NAALADL2: variants seen among roughly 807,000 people sequenced by gnomAD.
NAALADL2 encodes inactive N-acetylated-alpha-linked acidic dipeptidase-like protein 2.
NAALADL2 carries 76 observed loss-of-function variants against 87.2 expected under a neutral mutation model. The ratio of observed to expected loss-of-function variants is 0.87; its 90% CI spans 0.72 to 1.05. The LOEUF is 1.05. Ranked by LOEUF, NAALADL2 falls within the 50% of genes least tolerant of loss-of-function variation. The pLI, the probability that NAALADL2 is intolerant of heterozygous loss-of-function variation, is 0.00. For missense variants in NAALADL2, 1,089 were observed against 945.8 expected, an observed-to-expected ratio of 1.15 and a Z score of -1.99; for synonymous variants, 354 against 331.0, an observed-to-expected ratio of 1.07 and a Z score of -0.75.
Position 175,627,279 on chromosome 3 carries a change from G to A in NAALADL2, c.1801-12G>A. 1 of 1,537,216 alleles carries A rather than the reference G, an allele frequency of 6.5e-7. No homozygotes were observed. On this transcript the variant is annotated splice_polypyrimidine_tract_variant and intron_variant, in intron 10 of 13. Coordinates refer to ENST00000454872, the MANE Select transcript of NAALADL2 (RefSeq NM_207015.3). ...AAAGAGTTTTAAATGTTTCTTTTTT[G>A]ATTTGCCGCAGGGTCCAAGTTTTCT...
Position 175,367,508 on chromosome 3 carries a change from A to G in NAALADL2, c.1090+43183A>G, listed in dbSNP as rs566535767. ...ACCCATGAGCATGGAATGTTCTTCC[A>G]TTTGTTTGTGTCCTCTTTTATTTCC... is the stretch of plus-strand genomic sequence containing the variant. On this transcript the variant is annotated intron_variant, in intron 5 of 13. Transcript: ENST00000454872. 1.9e-3 allele frequency among the ~76,000 whole-genome samples: 285 copies of G among 152,196 alleles called. 1 individual carries two copies. The highest frequency in any genetic ancestry group is 6.1e-3 in the African/African-American group (252 of 41,500).
intron 5 of NAALADL2, among the ~76,000 whole-genome samples, chr3:175,370,262 A>T (rs968430849): frequency 6.6e-5 from 10 of 152,170 alleles, no homozygotes; most frequent in African/African-American, 2.2e-4. Context: ...AAAATCTTCC[A>T]CTATTCTCAA....
intron 1 of NAALADL2, among the ~76,000 whole-genome samples, chr3:175,068,920 T>C (rs1389399799): frequency 1.3e-5 from 2 of 152,108 alleles, no homozygotes; most frequent in Non-Finnish European, 2.9e-5. Flanking sequence ...CCAGCAATTA[T>C]ATGTTGGTTA....
At position 175,804,786 on chromosome 3, in the gene NAALADL2, G is replaced by C. The variant is rs1037186504; in HGVS notation, c.*1583G>C. 4.6e-5 allele frequency: 7 copies of C among 151,876 alleles called. No individual in the cohort carries two copies. The highest frequency in any genetic ancestry group is 2.0e-4 in the Admixed American group (3 of 15,216). The allele number at this position is 151,876 out of a possible 1,614,324, so 9.4% of individuals were successfully genotyped here. A position where few individuals can be genotyped will look rare whatever the true frequency, so the allele number is the denominator to read the frequency against. Reference sequence around the variant, plus strand: ...TAATTGATTTATAAGGTTCAACACTGTCTACCCTAAATAATTTTTATATGC... The same window carrying C: ...TAATTGATTTATAAGGTTCAACACTCTCTACCCTAAATAATTTTTATATGC... On this transcript the variant is annotated 3_prime_UTR_variant, in exon 14 of 14. Transcript: ENST00000454872.
chr3:175,726,853 G>T lies in NAALADL2; in HGVS notation c.1897-10453G>T, dbSNP rs545436894. On this transcript the variant is annotated intron_variant, in intron 11 of 13. Coordinates refer to ENST00000454872, the MANE Select transcript of NAALADL2 (RefSeq NM_207015.3). ...CAGCAGAAGCAGAAGCTGGAAAGGA[G>T]GATTTGAATCAGGGAGTTTATATTC... Among the ~76,000 whole-genome samples the T allele has an allele frequency of 3.9e-5, 6 of 152,222 alleles. No homozygotes were observed. The East Asian group carries it at 9.7e-4, about 25-fold the overall frequency.
At chr3:174,895,611 C>G (rs1030155416) in intron 1 of NAALADL2, among the ~76,000 whole-genome samples, 3 of 152,186 alleles carry the variant, frequency 2.0e-5, no homozygotes, top group Middle Eastern at 3.4e-3. Context: ...TGAAGAATAA[C>G]GAACACCAAT....
intron 11 of NAALADL2, chr3:175,718,440 C>G: frequency 2.5e-6 from 4 of 1,584,944 alleles, no homozygotes; most frequent in Non-Finnish European, 3.5e-6. Context: ...GGGGGTGCTT[C>G]TGGGTATTTA....
intron 1 of NAALADL2, among the ~76,000 whole-genome samples, chr3:174,935,184 C>T (rs1737512015): frequency 1.3e-5 from 2 of 151,968 alleles, no homozygotes; most frequent in South Asian, 4.1e-4. Flanking sequence ...AAAATGTTCA[C>T]TTTCATGTGT....
chr3:175,144,512 A>AAATAT (rs1222251075), intron 2 of NAALADL2, among the ~76,000 whole-genome samples: 1 of 151,996 alleles, frequency 6.6e-6, no homozygotes, highest in East Asian at 1.9e-4. Flanking sequence ...TATATTGAGA[A>AAATAT]AATATACAGA....
intron 1 of NAALADL2, among the ~76,000 whole-genome samples, chr3:174,889,530 T>C (rs908853605): frequency 6.6e-6 from 1 of 152,174 alleles, no homozygotes; most frequent in African/African-American, 2.4e-5. Context: ...CTTATATCTC[T>C]CATTCCCCAT....
chr3:175,011,990 T>A (rs2108809247), intron 1 of NAALADL2, among the ~76,000 whole-genome samples: 1 of 152,232 alleles, frequency 6.6e-6, no homozygotes, highest in South Asian at 2.1e-4. Context: ...TGCAAAAACC[T>A]AATCTTTAGG....
At chr3:175,624,231 A>T (rs7627926) in intron 10 of NAALADL2, among the ~76,000 whole-genome samples, 1 of 151,732 alleles carries the variant, frequency 6.6e-6, no homozygotes, top group African/African-American at 2.4e-5. Flanking sequence ...GGATCTTGGA[A>T]GTGGCCTCAG....
At chr3:174,846,538 A>G (rs1294064776) in intron 3 of NAALADL2, among the ~76,000 whole-genome samples, 14 of 152,340 alleles carry the variant, frequency 9.2e-5, no homozygotes, top group East Asian at 1.9e-4. Context: ...TTTAGTTAGT[A>G]GTATCTACAG....
intron 11 of NAALADL2, among the ~76,000 whole-genome samples, chr3:175,669,017 G>A (rs1733578783): frequency 6.6e-6 from 1 of 152,038 alleles, no homozygotes; most frequent in Non-Finnish European, 1.5e-5. Context: ...AGGCTTAAAA[G>A]TTATACTTTA....
At chr3:175,318,893 T>C (rs942015047) in intron 4 of NAALADL2, among the ~76,000 whole-genome samples, 3 of 152,266 alleles carry the variant, frequency 2.0e-5, no homozygotes, top group African/African-American at 7.2e-5. Context: ...GAAGCAGCTT[T>C]TTTAGTCTGC....
chr3:174,813,187 CT>C (rs2109302832), intron 3 of NAALADL2, among the ~76,000 whole-genome samples: 1 of 152,248 alleles, frequency 6.6e-6, no homozygotes, highest in Admixed American at 6.5e-5. Context: ...GGTATTCAAT[CT>C]TTTGGCTTCC....
At chr3:174,556,663 G>C (rs1415413010) in intron 2 of NAALADL2, among the ~76,000 whole-genome samples, 1 of 152,154 alleles carries the variant, frequency 6.6e-6, no homozygotes, top group Non-Finnish European at 1.5e-5. Flanking sequence ...AGAGCAAGCT[G>C]TGAAGCTCAG....
chr3:174,914,842 T>C (rs956836923), intron 1 of NAALADL2, among the ~76,000 whole-genome samples: 2 of 151,908 alleles, frequency 1.3e-5, no homozygotes, highest in South Asian at 2.1e-4. Flanking sequence ...GTGTCAGGGG[T>C]TTCAAACTCA....
chr3:175,202,322 C>T (rs1193764061), intron 2 of NAALADL2, among the ~76,000 whole-genome samples: 1 of 152,112 alleles, frequency 6.6e-6, no homozygotes, highest in African/African-American at 2.4e-5. Context: ...TTGCAGCCTC[C>T]CTCTTCCATT....
Sources: gnomAD v4.1 joint callset for allele counts (sites outside exome capture counted in the v4.1 genomes callset) on GRCh38, gnomAD v4.1.1 for gene constraint, MANE v1.5 for transcripts, NCBI Gene and HGNC (gene_info 2026-07-23, HGNC 2026-07-21) for gene names.